MAD1L1: variants seen among roughly 807,000 people sequenced by gnomAD.
The protein encoded by MAD1L1 is mitotic spindle assembly checkpoint protein MAD1.
MAD1L1 carries 95 observed loss-of-function variants against 96.9 expected under a neutral mutation model. The ratio of observed to expected loss-of-function variants is 0.98; its 90% CI spans 0.83 to 1.16. The LOEUF (loss-of-function observed/expected upper bound fraction) is 1.16, where lower values mean the gene tolerates loss of function less well. MAD1L1 is among the 50% of genes most tolerant of loss of function. The probability of loss-of-function intolerance (pLI) is 0.00; values close to 1 mark genes in which losing one functional copy is unlikely to be tolerated. For synonymous variants in MAD1L1, 473 were observed against 396.6 expected (o/e 1.19, Z -2.29); for missense variants, 1,007 against 954.4 (o/e 1.06, Z -0.73).
At position 2,014,635 on chromosome 7, in the gene MAD1L1, T is replaced by C; in HGVS notation, c.1226A>G (p.Asp409Gly). The C allele has an allele frequency of 1.9e-6, 3 of 1,609,646 alleles. No homozygotes were observed. Among genetic ancestry groups the C allele is most frequent in the Middle Eastern group, 3.3e-4 (2 of 6,030 alleles). ...GGACCCCAGGATGGCCCGCATACCG[T>C]CCCGCTCCTGTGGACACAGAGGGCA... is the stretch of plus-strand genomic sequence containing the variant. Reference protein sequence around the residue: ...KRVLLLTKERDGMRAILGSYD... With the variant: ...KRVLLLTKERGGMRAILGSYD... Residue 409 changes from aspartate to glycine, a missense_variant, in exon 13 of 19, where the codon GAC (aspartate) becomes GGC (glycine). By Grantham distance (94) the Asp-to-Gly change is moderately conservative (BLOSUM62 -1). Transcript: ENST00000265854.
chr7:2,156,059 G>A (rs554275016), intron 10 of MAD1L1, among the ~76,000 whole-genome samples: 7 of 152,370 alleles, frequency 4.6e-5, no homozygotes, highest in East Asian at 1.9e-4. Context: ...CGCAGGACAC[G>A]AGGATGTGCT....
chr7:1,822,820 T>C (rs1417036280), intron 18 of MAD1L1, among the ~76,000 whole-genome samples: 1 of 151,786 alleles, frequency 6.6e-6, no homozygotes, highest in East Asian at 1.9e-4. Flanking sequence ...GGAATTGCCC[T>C]TCCTGATGTT....
At chr7:2,175,011 C>T (rs987696767) in intron 10 of MAD1L1, 1 of 152,154 alleles carries the variant, frequency 6.6e-6, no homozygotes, top group Non-Finnish European at 1.5e-5. Context: ...TAGTCTCAGT[C>T]CCCACAGGAG....
intron 18 of MAD1L1, among the ~76,000 whole-genome samples, chr7:1,844,819 G>A (rs115194513): frequency 0.012 from 1,892 of 152,146 alleles, 49 homozygotes; most frequent in African/African-American, 0.043. Context: ...GGCTGTGGCC[G>A]TACCGTGCAA....
At chr7:1,826,868 C>A (rs1331703888) in intron 18 of MAD1L1, among the ~76,000 whole-genome samples, 1 of 152,236 alleles carries the variant, frequency 6.6e-6, no homozygotes, top group Non-Finnish European at 1.5e-5. Flanking sequence ...TGGGGTTTAT[C>A]TTCCCGGCGA....
intron 11 of MAD1L1, among the ~76,000 whole-genome samples, chr7:2,077,117 A>T (rs1335237627): frequency 6.6e-6 from 1 of 151,954 alleles, no homozygotes; most frequent in Non-Finnish European, 1.5e-5. Context: ...TGAGCCCGAG[A>T]TGGTTACGAC....
At chr7:1,886,481 G>A (rs976469943) in intron 18 of MAD1L1, among the ~76,000 whole-genome samples, 5 of 152,190 alleles carry the variant, frequency 3.3e-5, no homozygotes, top group Admixed American at 2.6e-4. Flanking sequence ...TTCATGAGTC[G>A]ACACCTCTGC....
intron 12 of MAD1L1, among the ~76,000 whole-genome samples, chr7:2,015,675 C>T (rs1426210510): frequency 6.6e-6 from 1 of 152,222 alleles, no homozygotes; most frequent in Non-Finnish European, 1.5e-5. Context: ...GGAGCAGATT[C>T]CAGGCGCAGG....
intron 16 of MAD1L1, among the ~76,000 whole-genome samples, chr7:1,943,320 A>G (rs1187661826): frequency 6.6e-6 from 1 of 152,208 alleles, no homozygotes; most frequent in Non-Finnish European, 1.5e-5. Flanking sequence ...ACAGGCAAAA[A>G]CAAGCCACAG....
intron 11 of MAD1L1, among the ~76,000 whole-genome samples, chr7:2,116,462 G>A (rs890267860): frequency 4.0e-5 from 6 of 151,564 alleles, no homozygotes; most frequent in South Asian, 2.1e-4. Context: ...GAGAGCCAGC[G>A]CAGACGATGA....
intron 3 of MAD1L1, among the ~76,000 whole-genome samples, chr7:2,226,113 G>A (rs528852247): frequency 1.3e-5 from 2 of 152,158 alleles, no homozygotes; most frequent in African/African-American, 2.4e-5. Context: ...GCTCGGCCTC[G>A]GACGTCTGGA....
chr7:2,020,358 C>T (rs1278112113), intron 12 of MAD1L1, among the ~76,000 whole-genome samples: 1 of 152,218 alleles, frequency 6.6e-6, no homozygotes, highest in Admixed American at 6.5e-5. Flanking sequence ...CCCATCAAGG[C>T]GTGCACCCGG....
At chr7:1,891,031 C>T (rs1030252654) in intron 18 of MAD1L1, among the ~76,000 whole-genome samples, 1 of 152,168 alleles carries the variant, frequency 6.6e-6, no homozygotes, top group African/African-American at 2.4e-5. Context: ...CTCTGCGCCA[C>T]CTCCCCTTCC....
intron 18 of MAD1L1, among the ~76,000 whole-genome samples, chr7:1,889,239 C>G (rs939714643): frequency 1.3e-5 from 2 of 152,240 alleles, no homozygotes; most frequent in African/African-American, 2.4e-5. Flanking sequence ...CGGGTCCAGT[C>G]CCTCCCACCA....
At chr7:2,062,184 G>GT (rs1349647775) in intron 12 of MAD1L1, among the ~76,000 whole-genome samples, 1 of 150,612 alleles carries the variant, frequency 6.6e-6, no homozygotes, top group African/African-American at 2.4e-5. Context: ...GGAGGTTGCA[G>GT]TGAGCTGAGA....
At chr7:2,228,147 C>G (rs988949566) in intron 3 of MAD1L1, among the ~76,000 whole-genome samples, 5 of 152,136 alleles carry the variant, frequency 3.3e-5, no homozygotes, top group African/African-American at 1.2e-4. Context: ...ATCACTGATC[C>G]CCTCACCGAG....
intron 17 of MAD1L1, among the ~76,000 whole-genome samples, chr7:1,905,906 C>G (rs770178985): frequency 2.0e-5 from 3 of 152,010 alleles, no homozygotes; most frequent in Admixed American, 2.0e-4. Flanking sequence ...AAAAATTAGC[C>G]GGACGTGGTG....
intron 18 of MAD1L1, chr7:1,846,101 A>G (rs1783605668): frequency 6.5e-6 from 1 of 152,710 alleles, no homozygotes; most frequent in South Asian, 2.1e-4. Flanking sequence ...GCATTTCCCT[A>G]AAGCACCAGC....
chr7:2,010,345 C>T (rs927987173), intron 13 of MAD1L1, among the ~76,000 whole-genome samples: 1 of 152,098 alleles, frequency 6.6e-6, no homozygotes, highest in African/African-American at 2.4e-5. Context: ...CTGCCTAAAT[C>T]GTTAGGAACT....
Sources: gnomAD v4.1 joint callset for allele counts (sites outside exome capture counted in the v4.1 genomes callset) on GRCh38, gnomAD v4.1.1 for gene constraint, MANE v1.5 for transcripts, NCBI Gene and HGNC (gene_info 2026-07-23, HGNC 2026-07-21) for gene names.